Variants in ATP1A1 observed in about 807,000 individuals in gnomAD.
ATP1A1 encodes the protein sodium/potassium-transporting ATPase subunit alpha-1.
Under a neutral mutation model 114.8 loss-of-function variants are expected in ATP1A1, and 14 were observed. The observed-to-expected ratio is 0.12, with a 90% CI of 0.08 to 0.19. ATP1A1 has a LOEUF of 0.19. Ranked by LOEUF, ATP1A1 falls within the 10% of genes least tolerant of loss-of-function variation. The probability of loss-of-function intolerance (pLI) is 1.00; values close to 1 mark genes in which losing one functional copy is unlikely to be tolerated. For synonymous variants in ATP1A1, 471 were observed against 466.3 expected, an observed-to-expected ratio of 1.01 and a Z score of -0.13; for missense variants, 524 against 1,290.7, an observed-to-expected ratio of 0.41 and a Z score of 9.10.
In ATP1A1 at chr1:116,374,147, C is replaced by A. The variant is rs974664181; in HGVS notation, c.12+624C>A. On this transcript the variant is annotated intron_variant, in intron 1 of 22. Coordinates refer to ENST00000295598, the MANE Select transcript of ATP1A1 (RefSeq NM_000701.8). The stretch of plus-strand genomic sequence containing the variant: ...TCCGCGCAGAGGCGGCCGCCCTCCC[C>A]CAAAGAAAAAACTGGCTGCTTCTAA... 12 of 1,548,546 alleles carry A rather than the reference C, an allele frequency of 7.7e-6. No individual in the cohort carries two copies. In the East Asian group the frequency reaches 1.2e-4, roughly 16 times the overall value.
At position 116,389,386 on chromosome 1, in the gene ATP1A1, T is replaced by C; in HGVS notation, c.755-53T>C. ...TATGTAATTGTGTAAAATCCGTGGC[T>C]TCCTTCAGGTTAGATACAATTAGGT... On this transcript the variant is annotated intron_variant, in intron 7 of 22. Transcript: ENST00000295598. The surrounding 1 kb of genome is among the most constrained non-coding windows in gnomAD (Gnocchi z 6.9). 1 of 1,597,374 alleles carries C rather than the reference T, an allele frequency of 6.3e-7. No homozygotes were observed. Among genetic ancestry groups the C allele is most frequent in the African/African-American group, 1.3e-5 (1 of 74,306 alleles).
chr1:116,390,602 T>C (rs535280824), intron 9 of ATP1A1, among the ~76,000 whole-genome samples, 180 bp from the exon 10 acceptor site: 3 of 151,328 alleles, frequency 2.0e-5, no homozygotes, highest in Non-Finnish European at 2.9e-5. Context: ...TGCATGTCAG[T>C]AGAAACTTTA....
rs1217648444 is a variant in ATP1A1 at position 116,397,136 on chromosome 1, CAAAAT to C, written c.1973+410_1973+414del. Among the ~76,000 whole-genome samples, 1 of 152,124 alleles carries C rather than the reference CAAAAT, an allele frequency of 6.6e-6. No homozygotes were observed. The highest frequency in any genetic ancestry group is 6.5e-5 in the Admixed American group (1 of 15,280). On this transcript the variant is annotated intron_variant, in intron 14 of 22. Coordinates refer to ENST00000295598, the MANE Select transcript of ATP1A1 (RefSeq NM_000701.8). This position sits in a 1 kb window ranked among gnomAD's most constrained non-coding sequence, Gnocchi z 4.2. ...TTGACACTTTCCAGGTCCACACTAA[CAAAAT>C]AAAATAAGGAAGGGACAATTACTTA...
chr1:116,403,815 T>G (rs1221132992), intron 21 of ATP1A1, 69 bp from the exon 22 acceptor site: 1 of 1,349,334 alleles, frequency 7.4e-7, no homozygotes, highest in African/African-American at 1.5e-5. Flanking sequence ...ACTGGTGATG[T>G]GCAATTTCTC....
At position 116,399,856 on chromosome 1, in the gene ATP1A1, C is replaced by T. The variant is rs967756185; in HGVS notation, c.2572+313C>T. Among the ~76,000 whole-genome samples the T allele has an allele frequency of 1.3e-5, 2 of 152,204 alleles. No individual in the cohort carries two copies. The highest frequency in any genetic ancestry group is 2.4e-5 in the African/African-American group (1 of 41,452). ...GCCTTGCGGAACAGGAGGCATGGTT[C>T]TAAGGAATTGTGTGTACTGACGCAC... is the stretch of plus-strand genomic sequence containing the variant. On this transcript the variant is annotated intron_variant, in intron 18 of 22. Coordinates refer to ENST00000295598, the MANE Select transcript of ATP1A1 (RefSeq NM_000701.8). The surrounding 1 kb of genome is among the most constrained non-coding windows in gnomAD (Gnocchi z 5.0).
At chr1:116,394,364 C>T (rs1557789106) in intron 12 of ATP1A1, among the ~76,000 whole-genome samples, 1 of 152,118 alleles carries the variant, frequency 6.6e-6, no homozygotes. Flanking sequence ...TCCTATTCTT[C>T]TTAACTTGGG....
Position 116,390,536 on chromosome 1 carries a change from G to T in ATP1A1, c.1222+125G>T, listed in dbSNP as rs200117647. On this transcript the variant is annotated intron_variant, in intron 9 of 22. Transcript: ENST00000295598. ...CATGGCAGCTTTTTCTTTCTTTTTT[G>T]TTTTTTTTTTTTTTATCATTTAGTG... The T allele has an allele frequency of 0.018, 12,445 of 691,302 alleles. 437 individuals are homozygous for T. The highest frequency in any genetic ancestry group is 0.12 in the African/African-American group (5,628 of 46,898). The allele number at this position is 691,302 out of a possible 1,614,324, so 42.8% of individuals were successfully genotyped here. A position where few individuals can be genotyped will look rare whatever the true frequency, so the allele number is the denominator to read the frequency against.
Position 116,389,298 on chromosome 1 carries a change from A to G in ATP1A1, c.755-141A>G. ...GAAGTCCCTTTGCCAAACAGCATGT[A>G]CAGCCAAAGAGCTGGCCCTTAAAAA... On this transcript the variant is annotated intron_variant, in intron 7 of 22. Coordinates refer to ENST00000295598, the MANE Select transcript of ATP1A1 (RefSeq NM_000701.8). This position sits in a 1 kb window ranked among gnomAD's most constrained non-coding sequence, Gnocchi z 6.9. 8.9e-7 allele frequency: 1 copy of G among 1,123,430 alleles called. No homozygotes were observed. The highest frequency in any genetic ancestry group is 1.3e-6 in the Non-Finnish European group (1 of 785,624). The allele number at this position is 1,123,430 out of a possible 1,614,324, so 69.6% of individuals were successfully genotyped here.
rs1651180014 is a variant in ATP1A1, at chr1:116,374,015, GC to G, written c.12+494del. 2.2e-5 allele frequency: 28 copies of G among 1,277,424 alleles called. No individual in the cohort carries two copies. In the South Asian group the frequency reaches 4.4e-4, roughly 20 times the overall value. 79.1% of individuals were successfully genotyped at this position (1,277,424 alleles called of 1,614,324 possible). On this transcript the variant is annotated intron_variant, in intron 1 of 22. Coordinates refer to ENST00000295598, the MANE Select transcript of ATP1A1 (RefSeq NM_000701.8). ...TCCTCCCCTTCCCCTGGGGCGCTCCGCCGGGGCCTCCTCCCGGGCCTCCGTT... is the reference window on the plus strand; with the variant it reads ...TCCTCCCCTTCCCCTGGGGCGCTCCGCGGGGCCTCCTCCCGGGCCTCCGTT...
rs766485132 is a variant in ATP1A1 at position 116,398,881 on chromosome 1, C to T, written c.2294-49C>T. The T allele has an allele frequency of 2.0e-5, 33 of 1,611,832 alleles. 1 individual carries two copies. Among genetic ancestry groups the T allele is most frequent in the South Asian group, 1.9e-4 (17 of 90,992 alleles). ...ATACTTCTTGGATATGTTCAGTTTC[C>T]AGTGTGCTTGTCTCATAAGCTAACA... is the stretch of plus-strand genomic sequence containing the variant. On this transcript the variant is annotated intron_variant, in intron 16 of 22. Transcript: ENST00000295598. This position sits in a 1 kb window ranked among gnomAD's most constrained non-coding sequence, Gnocchi z 6.1.
rs1652989144 is a variant in ATP1A1, at chr1:116,397,041, TA to T, written c.1973+310del. On this transcript the variant is annotated intron_variant, in intron 14 of 22. Transcript: ENST00000295598. The surrounding 1 kb of genome is among the most constrained non-coding windows in gnomAD (Gnocchi z 4.2). ...CCTCAGAACTGGTGAAATCATGCAGTAAATTCAGCAGTCTAGCTTCTGATTT... is the reference window on the plus strand; with the variant it reads ...CCTCAGAACTGGTGAAATCATGCAGTAATTCAGCAGTCTAGCTTCTGATTT... Among the ~76,000 whole-genome samples the T allele has an allele frequency of 6.6e-6, 1 of 152,208 alleles. No individual in the cohort carries two copies. Among genetic ancestry groups the T allele is most frequent in the Non-Finnish European group, 1.5e-5 (1 of 68,036 alleles).
rs558055323 is a variant in ATP1A1, at chr1:116,390,550, T to A, written c.1222+139T>A. 17 of 960,568 alleles carry A rather than the reference T, an allele frequency of 1.8e-5. No homozygotes were observed. The East Asian group carries it at 2.9e-4, about 16-fold the overall frequency. 59.5% of individuals were successfully genotyped at this position (960,568 alleles called of 1,614,324 possible). A position where few individuals can be genotyped will look rare whatever the true frequency, so the allele number is the denominator to read the frequency against. On this transcript the variant is annotated intron_variant, in intron 9 of 22. Transcript: ENST00000295598. The stretch of plus-strand genomic sequence containing the variant: ...CTTTCTTTTTTGTTTTTTTTTTTTT[T>A]ATCATTTAGTGAAGAGTCAAGGGTA...
At position 116,404,713 on chromosome 1, in the gene ATP1A1, A is replaced by C. The variant is rs574265794; in HGVS notation, c.*269A>C. On this transcript the variant is annotated 3_prime_UTR_variant, in exon 23 of 23. Transcript: ENST00000295598. The surrounding 1 kb of genome is among the most constrained non-coding windows in gnomAD (Gnocchi z 4.8). ...TTTTGTAAAAAAGGAACACCCGGAA[A>C]GACTGAAAGAATACATTTTATATCT... 1.3e-5 allele frequency: 17 copies of C among 1,261,230 alleles called. No homozygotes were observed. The African/African-American group carries it at 2.5e-4, about 19-fold the overall frequency. 78.1% of individuals were successfully genotyped at this position (1,261,230 alleles called of 1,614,324 possible).
At chr1:116,400,720 A>T (rs542432475) in intron 18 of ATP1A1, 141 bp from the exon 19 acceptor site, 3 of 1,054,392 alleles carry the variant, frequency 2.8e-6, no homozygotes, top group Non-Finnish European at 4.1e-6. Flanking sequence ...TGACCAGGCA[A>T]TTCTTTCCTG....
At chr1:116,374,066 G>T (rs2101026185) in intron 1 of ATP1A1, 3 of 1,408,452 alleles carry the variant, frequency 2.1e-6, no homozygotes, top group East Asian at 5.4e-5. Flanking sequence ...GGTTCCGGCG[G>T]GGGCAGCCTC....
At chr1:116,394,572 C>A (rs1652750797) in intron 12 of ATP1A1, among the ~76,000 whole-genome samples, 2 of 151,948 alleles carry the variant, frequency 1.3e-5, no homozygotes, top group South Asian at 4.2e-4. Flanking sequence ...TATCTTGATT[C>A]TTGTATTTAC....
chr1:116,396,125 T>A (rs1031627926), intron 13 of ATP1A1, among the ~76,000 whole-genome samples: 1 of 152,196 alleles, frequency 6.6e-6, no homozygotes, highest in Non-Finnish European at 1.5e-5. Context: ...TGCTTCTTTT[T>A]AAAGTATATT....
chr1:116,377,707 A>G (rs1458948565), intron 1 of ATP1A1, among the ~76,000 whole-genome samples: 5 of 152,204 alleles, frequency 3.3e-5, no homozygotes, highest in Non-Finnish European at 7.3e-5. Context: ...GACTTCTTCT[A>G]GCTGCCGAGG....
chr1:116,388,514 A>C lies in ATP1A1; in HGVS notation c.502-124A>C. On this transcript the variant is annotated intron_variant, in intron 5 of 22. Coordinates refer to ENST00000295598, the MANE Select transcript of ATP1A1 (RefSeq NM_000701.8). This position sits in a 1 kb window ranked among gnomAD's most constrained non-coding sequence, Gnocchi z 5.6. ...GCTTTTGTAACTTGTGTAAATAAAAAAGTGAATAATATCTTTGTTTTGTAT... is the reference window on the plus strand; with the variant it reads ...GCTTTTGTAACTTGTGTAAATAAAACAGTGAATAATATCTTTGTTTTGTAT... 2 of 1,358,304 alleles carry C rather than the reference A, an allele frequency of 1.5e-6. No homozygotes were observed. Among genetic ancestry groups the C allele is most frequent in the Non-Finnish European group, 2.0e-6 (2 of 999,944 alleles). 84.1% of individuals were successfully genotyped at this position (1,358,304 alleles called of 1,614,324 possible).
Sources: gnomAD v4.1 joint callset for allele counts (sites outside exome capture counted in the v4.1 genomes callset) on GRCh38, gnomAD v4.1.1 for gene constraint, Gnocchi (gnomAD v3.1) non-coding constraint, MANE v1.5 for transcripts, NCBI Gene and HGNC (gene_info 2026-07-23, HGNC 2026-07-21) for gene names.